MAPK10: variants seen among roughly 807,000 people sequenced by gnomAD.
The protein encoded by MAPK10 is mitogen-activated protein kinase 10, also known as JNK3 alpha protein kinase.
A neutral mutation model predicts 59.3 loss-of-function variants in MAPK10; 25 were observed. That is an observed-to-expected ratio of 0.42 (90% CI 0.31 to 0.59). The LOEUF (loss-of-function observed/expected upper bound fraction) is 0.59, where lower values mean the gene tolerates loss of function less well. Ranked by LOEUF, MAPK10 falls within the 20% of genes least tolerant of loss-of-function variation. MAPK10 has a pLI of 0.15. For synonymous variants in MAPK10, 190 were observed against 200.5 expected (o/e 0.95, Z 0.44); for missense variants, 351 against 568.9 (o/e 0.62, Z 3.90).
intron 3 of MAPK10, among the ~76,000 whole-genome samples, chr4:86,171,704 A>T (rs1340794487): frequency 6.6e-6 from 1 of 152,180 alleles, no homozygotes; most frequent in Non-Finnish European, 1.5e-5. Context: ...AAGCAATGGC[A>T]ACAAAAGACA....
At chr4:86,118,125 C>T in intron 4 of MAPK10, among the ~76,000 whole-genome samples, 1 of 152,180 alleles carries the variant, frequency 6.6e-6, no homozygotes, top group Admixed American at 6.6e-5. Context: ...TGAACCTTGG[C>T]TGACACTACA....
chr4:86,251,143 C>A (rs1380132673), intron 2 of MAPK10, among the ~76,000 whole-genome samples: 1 of 147,100 alleles, frequency 6.8e-6, no homozygotes, highest in East Asian at 1.9e-4. Flanking sequence ...AATAGAACAT[C>A]GTTTTTATTT....
At chr4:86,318,183 T>C (rs1272208084) in intron 2 of MAPK10, among the ~76,000 whole-genome samples, 5 of 152,194 alleles carry the variant, frequency 3.3e-5, no homozygotes, top group Non-Finnish European at 5.9e-5. Context: ...CATAGGTTTC[T>C]GGTGGACATA....
intron 1 of MAPK10, among the ~76,000 whole-genome samples, chr4:86,379,583 C>T (rs755476846): frequency 1.3e-4 from 20 of 152,148 alleles, no homozygotes; most frequent in Non-Finnish European, 1.8e-4. Context: ...GGAGGAAAAC[C>T]GCTTAAAGGC....
At chr4:86,127,161 A>C (rs2060201927) in intron 4 of MAPK10, among the ~76,000 whole-genome samples, 1 of 151,214 alleles carries the variant, frequency 6.6e-6, no homozygotes, top group Non-Finnish European at 1.5e-5. Context: ...TAACTAATAG[A>C]ATTCACCTCA....
At chr4:86,189,953 T>C (rs1379489392) in intron 3 of MAPK10, among the ~76,000 whole-genome samples, 1 of 152,180 alleles carries the variant, frequency 6.6e-6, no homozygotes, top group Non-Finnish European at 1.5e-5. Flanking sequence ...GTTTTTAGCA[T>C]GAATGGGTGT....
At chr4:86,019,218 C>T (rs935033312) in intron 13 of MAPK10, among the ~76,000 whole-genome samples, 2 of 152,106 alleles carry the variant, frequency 1.3e-5, no homozygotes, top group Non-Finnish European at 2.9e-5. Flanking sequence ...TTCTTTTTGC[C>T]TGGAAGTTTC....
At chr4:86,487,657 G>A (rs953675553) in intron 1 of MAPK10, among the ~76,000 whole-genome samples, 2 of 151,478 alleles carry the variant, frequency 1.3e-5, no homozygotes, top group Non-Finnish European at 2.9e-5. Context: ...TGTGAACCTG[G>A]GAGGCAGAGC....
intron 13 of MAPK10, among the ~76,000 whole-genome samples, chr4:86,019,619 G>A (rs1745310347): frequency 6.6e-6 from 1 of 152,008 alleles, no homozygotes; most frequent in African/African-American, 2.4e-5. Flanking sequence ...CCCCGATTCT[G>A]GATTAAATTA....
At chr4:86,453,738 C>T (rs912567794), upstream of MAPK10, among the ~76,000 whole-genome samples, 1 of 152,038 alleles carries the variant, frequency 6.6e-6, no homozygotes, top group African/African-American at 2.4e-5. Flanking sequence ...CTACCCACTG[C>T]CTGTTCCTCC....
chr4:86,196,852 C>T (rs575293317), intron 2 of MAPK10, among the ~76,000 whole-genome samples: 8 of 152,194 alleles, frequency 5.3e-5, no homozygotes, highest in East Asian at 1.9e-4. Context: ...GCAGGTTTGT[C>T]GAAAATCAGA....
chr4:86,393,777 GACA>G (rs1210677371), intron 1 of MAPK10, among the ~76,000 whole-genome samples: 1 of 152,134 alleles, frequency 6.6e-6, no homozygotes, highest in Non-Finnish European at 1.5e-5. Context: ...CGACACCAGT[GACA>G]ACAATAGAGA....
chr4:86,144,892 A>G (rs1031205709), intron 4 of MAPK10, among the ~76,000 whole-genome samples: 2 of 152,194 alleles, frequency 1.3e-5, no homozygotes, highest in African/African-American at 4.8e-5. Context: ...GAGCTGCTAA[A>G]TAAGTACAAC....
intron 1 of MAPK10, among the ~76,000 whole-genome samples, chr4:86,564,692 T>C (rs2149105734): frequency 1.3e-5 from 2 of 152,274 alleles, no homozygotes; most frequent in Middle Eastern, 3.4e-3. Flanking sequence ...TTCCTCCTTT[T>C]CTACCACCTT....
At chr4:86,254,633 G>T (rs2093618528) in intron 2 of MAPK10, among the ~76,000 whole-genome samples, 1 of 141,008 alleles carries the variant, frequency 7.1e-6, no homozygotes, top group Admixed American at 7.0e-5. Context: ...GTGTGGTGCT[G>T]AAAAAAATGT....
intron 4 of MAPK10, among the ~76,000 whole-genome samples, chr4:86,111,215 A>G (rs1373769851): frequency 1.3e-5 from 2 of 152,000 alleles, no homozygotes; most frequent in African/African-American, 2.4e-5. Context: ...AATATCCTCT[A>G]TATTTCTTTC....
rs960037008 is a variant in MAPK10 at position 86,370,521 on chromosome 4, A to C, written c.-121-15877T>G. ...ACTCTATGCTAGAGATTAGAAAAAGAAATCTGAGAAATGGTCACCATCAAA... is the reference window on the plus strand; with the variant it reads ...ACTCTATGCTAGAGATTAGAAAAAGCAATCTGAGAAATGGTCACCATCAAA... On this transcript the variant is annotated intron_variant, in intron 1 of 13. Transcript: ENST00000361569. Among the ~76,000 whole-genome samples the C allele has an allele frequency of 2.0e-5, 3 of 152,312 alleles. No individual in the cohort carries two copies. In the South Asian group the frequency reaches 6.2e-4, roughly 32 times the overall value.
intron 1 of MAPK10, among the ~76,000 whole-genome samples, chr4:86,563,595 G>C (rs753123967): frequency 6.6e-6 from 1 of 152,064 alleles, no homozygotes; most frequent in Non-Finnish European, 1.5e-5. Context: ...ATTTGTCCTT[G>C]GGAGATACAT....
intron 2 of MAPK10, among the ~76,000 whole-genome samples, chr4:86,195,040 A>G (rs1045445986): frequency 2.0e-5 from 3 of 152,176 alleles, no homozygotes; most frequent in African/African-American, 4.8e-5. Context: ...CCATATTAAC[A>G]TAAGTTTAAT....
Sources: allele counts gnomAD v4.1 joint callset (sites outside exome capture counted in the v4.1 genomes callset), GRCh38; gene constraint gnomAD v4.1.1; transcripts MANE v1.5; gene names NCBI Gene and HGNC (gene_info 2026-07-23, HGNC 2026-07-21).